Variants in TAF5L observed in about 807,000 individuals in gnomAD.
TAF5L encodes TAF5-like RNA polymerase II p300/CBP-associated factor-associated factor 65 kDa subunit 5L.
Under a neutral mutation model 51.3 loss-of-function variants are expected in TAF5L, and 7 were observed. The observed-to-expected ratio is 0.14, with a 90% CI of 0.08 to 0.26. The LOEUF (loss-of-function observed/expected upper bound fraction) is 0.26, where lower values mean the gene tolerates loss of function less well. TAF5L is among the 10% of genes least tolerant of loss of function. The probability of loss-of-function intolerance (pLI) is 1.00; values close to 1 mark genes in which losing one functional copy is unlikely to be tolerated. For synonymous variants in TAF5L, 291 were observed against 308.1 expected (o/e 0.94, Z 0.58); for missense variants, 575 against 758.9 (o/e 0.76, Z 2.85).
intron 1 of TAF5L, among the ~76,000 whole-genome samples, chr1:229,624,985 C>G (rs1665380053): frequency 1.3e-5 from 2 of 152,156 alleles, no homozygotes; most frequent in Non-Finnish European, 2.9e-5. Flanking sequence ...GTCACCATTC[C>G]GAGATTCCAA....
At chr1:229,610,564 A>G (rs1252672464) in intron 2 of TAF5L, among the ~76,000 whole-genome samples, 2 of 152,218 alleles carry the variant, frequency 1.3e-5, no homozygotes, top group African/African-American at 4.8e-5. Context: ...ATTGTCAATC[A>G]CTGTGCTGGG....
intron 2 of TAF5L, among the ~76,000 whole-genome samples, chr1:229,613,272 G>C (rs1191020946): frequency 6.8e-6 from 1 of 147,598 alleles, no homozygotes; most frequent in African/African-American, 2.5e-5. Flanking sequence ...TGAGGCTGCA[G>C]TGAGCTGTGA....
At chr1:229,599,156 T>A (rs1336008218) in intron 4 of TAF5L, 7 of 665,034 alleles carry the variant, frequency 1.1e-5, no homozygotes, top group Non-Finnish European at 1.3e-5. Context: ...TTAACCTAGA[T>A]GATCTTTAAG....
In TAF5L at chr1:229,625,701, G is replaced by T. The variant is rs1459568501; in HGVS notation, c.-4+184C>A. 6.8e-6 allele frequency among the ~76,000 whole-genome samples: 1 copy of T among 147,320 alleles called. No individual in the cohort carries two copies. The highest frequency in any genetic ancestry group is 1.5e-5 in the Non-Finnish European group (1 of 66,278). ...GGAGGCCGAGGGCGGAGGCGCGGCC[G>T]TCGCGCCCGCGCAGAGCCGCCCGCC... On this transcript the variant is annotated intron_variant, in intron 1 of 4. Transcript: ENST00000258281. This position sits in a 1 kb window ranked among gnomAD's most constrained non-coding sequence, Gnocchi z 4.0.
chr1:229,619,883 T>C (rs944647277), intron 1 of TAF5L, among the ~76,000 whole-genome samples: 6 of 152,094 alleles, frequency 3.9e-5, no homozygotes, highest in African/African-American at 1.4e-4. Flanking sequence ...CATTCCCGGC[T>C]TCACCACACC....
In TAF5L at chr1:229,620,355, G is replaced by A. The variant is rs1048921133; in HGVS notation, c.-4+5530C>T. On this transcript the variant is annotated intron_variant, in intron 1 of 4. Transcript: ENST00000258281. The stretch of plus-strand genomic sequence containing the variant: ...ATTACAGGTGTATGCCACTATGCCC[G>A]ACTCTACAAATCACTTCTCAACTGG... Among the ~76,000 whole-genome samples, 10 of 152,124 alleles carry A rather than the reference G, an allele frequency of 6.6e-5. No individual in the cohort carries two copies. In the East Asian group the frequency reaches 1.2e-3, roughly 18 times the overall value.
In TAF5L at chr1:229,610,102, T is replaced by G; in HGVS notation, c.247+4A>C. 2 of 1,613,828 alleles carry G rather than the reference T, an allele frequency of 1.2e-6. No individual in the cohort carries two copies. The highest frequency in any genetic ancestry group is 1.7e-5 in the Admixed American group (1 of 60,028). ...AAGAAAAGGTTCTAGAGCTGAGTAC[T>G]TACCAGTGAGAAAATTCCGCAGTCG... On this transcript the variant is annotated splice_donor_region_variant and intron_variant, in intron 3 of 4. Transcript: ENST00000258281.
At chr1:229,618,262 A>G (rs1003377607) in intron 1 of TAF5L, among the ~76,000 whole-genome samples, 1 of 152,248 alleles carries the variant, frequency 6.6e-6, no homozygotes, top group Non-Finnish European at 1.5e-5. Flanking sequence ...AATTGGATTT[A>G]AATATAATTA....
At chr1:229,598,119 T>A (rs534179806) in intron 4 of TAF5L, among the ~76,000 whole-genome samples, 1 of 152,338 alleles carries the variant, frequency 6.6e-6, no homozygotes, top group South Asian at 2.1e-4. Flanking sequence ...AACAGAAAAG[T>A]TGGATACTGG....
At chr1:229,600,100 T>A (rs769446795) in intron 4 of TAF5L, 1 of 981,158 alleles carries the variant, frequency 1.0e-6, no homozygotes, top group African/African-American at 1.7e-5. Context: ...GTTTTAATTA[T>A]GCATTCTATA....
At position 229,625,894 on chromosome 1, in the gene TAF5L, C is replaced by G. The variant is rs1193745607; in HGVS notation, c.-13G>C. Reference sequence around the variant, plus strand: ...TGCTCCCGGCACTCACTGAACATCCCAGGCGGCTCCGGCTCCCCCCGCCGC... The same window carrying G: ...TGCTCCCGGCACTCACTGAACATCCGAGGCGGCTCCGGCTCCCCCCGCCGC... On this transcript the variant is annotated 5_prime_UTR_variant, in exon 1 of 5. Coordinates refer to ENST00000258281, the Ensembl canonical transcript of TAF5L. This position sits in a 1 kb window ranked among gnomAD's most constrained non-coding sequence, Gnocchi z 4.0. The G allele has an allele frequency of 3.4e-5, 5 of 145,638 alleles. No homozygotes were observed. Among genetic ancestry groups the G allele is most frequent in the Non-Finnish European group, 6.1e-5 (4 of 65,572 alleles). 9.0% of individuals were successfully genotyped at this position (145,638 alleles called of 1,614,324 possible).
chr1:229,606,680 A>C, intron 3 of TAF5L: 1 of 985,322 alleles, frequency 1.0e-6, no homozygotes, highest in Non-Finnish European at 1.2e-6. Flanking sequence ...ATTTCACTTT[A>C]AAGAATTAAC....
At chr1:229,620,599 C>T (rs781212515) in intron 1 of TAF5L, among the ~76,000 whole-genome samples, 21 of 152,164 alleles carry the variant, frequency 1.4e-4, no homozygotes, top group East Asian at 1.2e-3. Flanking sequence ...ATAAAAATAA[C>T]GTGAGTGCTA....
chr1:229,606,042 G>T, intron 3 of TAF5L: 1 of 633,610 alleles, frequency 1.6e-6, no homozygotes, highest in Non-Finnish European at 2.0e-6. Context: ...TTTCTAAAAT[G>T]AGAGGCATTT....
chr1:229,594,548 T>C lies in TAF5L; in HGVS notation c.1519A>G (p.Arg507Gly), dbSNP rs1476531487. The C allele has an allele frequency of 6.2e-7, 1 of 1,614,070 alleles. No homozygotes were observed. Among genetic ancestry groups the C allele is most frequent in the African/African-American group, 1.3e-5 (1 of 74,926 alleles). ...CTGGTGATATTGTCTGTGTGGCCTC[T>C]CAACTCTTTATAAAGGGTCCCAGAG... The change falls in exon 5 of 5, where the codon AGA (arginine) becomes GGA (glycine). Residue 507 changes from arginine to glycine, a missense_variant. By Grantham distance (125) the Arg-to-Gly change is moderately radical. Coordinates refer to ENST00000258281, the Ensembl canonical transcript of TAF5L. This position sits in a 1 kb window ranked among gnomAD's most constrained non-coding sequence, Gnocchi z 7.9.
At chr1:229,605,106 A>ATGTGTG (rs1392119871) in intron 3 of TAF5L, among the ~76,000 whole-genome samples, 1 of 117,856 alleles carries the variant, frequency 8.5e-6, no homozygotes, top group African/African-American at 2.9e-5. Flanking sequence ...TAATTTTTGT[A>ATGTGTG]TGTATATATA....
chr1:229,607,617 C>T (rs1664644082), intron 3 of TAF5L, among the ~76,000 whole-genome samples: 2 of 152,204 alleles, frequency 1.3e-5, no homozygotes, highest in Non-Finnish European at 2.9e-5. Context: ...TCACTTTCTC[C>T]TTTCATTCTG....
Position 229,625,543 on chromosome 1 carries a change from C to A in TAF5L, c.-4+342G>T, listed in dbSNP as rs995844013. Among the ~76,000 whole-genome samples the A allele has an allele frequency of 6.6e-6, 1 of 152,114 alleles. No homozygotes were observed. The highest frequency in any genetic ancestry group is 6.5e-5 in the Admixed American group (1 of 15,288). On this transcript the variant is annotated intron_variant, in intron 1 of 4. Transcript: ENST00000258281. The surrounding 1 kb of genome is among the most constrained non-coding windows in gnomAD (Gnocchi z 4.0). The stretch of plus-strand genomic sequence containing the variant: ...GCTGTCGGGCACTGGGATACCTTCC[C>A]CGCGGGCGCCCGCCACCTCCTCCCC...
chr1:229,601,515 G>A (rs898966291), intron 4 of TAF5L: 11 of 985,242 alleles, frequency 1.1e-5, no homozygotes, highest in South Asian at 4.7e-5. Flanking sequence ...CCCAAGCTGC[G>A]CCTGCCCTTT....
Sources: allele counts gnomAD v4.1 joint callset (sites outside exome capture counted in the v4.1 genomes callset), GRCh38; gene constraint gnomAD v4.1.1; non-coding constraint Gnocchi (gnomAD v3.1); transcripts MANE v1.5; gene names NCBI Gene and HGNC (gene_info 2026-07-23, HGNC 2026-07-21).